Variants in HERC1 observed in about 807,000 individuals in gnomAD.
The protein encoded by HERC1 is HECT and RLD domain containing E3 ubiquitin protein ligase family member 1.
A neutral mutation model predicts 554.3 loss-of-function variants in HERC1; 160 were observed. The observed-to-expected ratio is 0.29, with a 90% CI of 0.25 to 0.33. HERC1 has a LOEUF of 0.33. Among genes scored for constraint, HERC1 ranks in the 10% least tolerant of loss-of-function variants. The probability of loss-of-function intolerance (pLI) is 1.00; values close to 1 mark genes in which losing one functional copy is unlikely to be tolerated. For synonymous variants in HERC1, 2,175 were observed against 2,131.7 expected (o/e 1.02, Z -0.56); for missense variants, 4,919 against 5,918.5 (o/e 0.83, Z 5.54).
chr15:63,664,524 C>A lies in HERC1; in HGVS notation c.8626G>T (p.Val2876Leu), dbSNP rs773703056. Residue 2876 changes from valine (V) to leucine (L), a missense_variant, in exon 43 of 78, where the codon GTA becomes TTA. Transcript: ENST00000443617. ...AAGTCAAACTTGTGTCTTCTTGTTACCGCTGAGCGACCTCTAGCTGATGGT... is the reference window on the plus strand; with the variant it reads ...AAGTCAAACTTGTGTCTTCTTGTTAACGCTGAGCGACCTCTAGCTGATGGT... The part of the protein sequence containing the change: ...SGPSARGRSA[V>L]TRRHKFDLAA... The A allele has an allele frequency of 6.2e-7, 1 of 1,613,588 alleles. No individual in the cohort carries two copies. Among genetic ancestry groups the A allele is most frequent in the East Asian group, 2.2e-5 (1 of 44,886 alleles).
At chr15:63,624,558 G>A (rs1425830846) in intron 71 of HERC1, among the ~76,000 whole-genome samples, 6 of 152,100 alleles carry the variant, frequency 3.9e-5, no homozygotes, top group Non-Finnish European at 7.3e-5. Flanking sequence ...AGCTGGGCAT[G>A]GTGGCATGTG....
chr15:63,744,164 G>GTGTGTGTGTGTGTCTC, intron 12 of HERC1, among the ~76,000 whole-genome samples: 119 of 46,242 alleles, frequency 2.6e-3, no homozygotes, highest in East Asian at 5.9e-3. Flanking sequence ...GTGTGTGTGT[G>GTGTGTGTGTGTGTCTC]TCTCTCTCTC....
At chr15:63,715,667 T>G (rs543888338) in intron 22 of HERC1, among the ~76,000 whole-genome samples, 1 of 152,322 alleles carries the variant, frequency 6.6e-6, no homozygotes, top group East Asian at 1.9e-4. Context: ...ATGCACACTT[T>G]AACTGGAAAT....
intron 1 of HERC1, among the ~76,000 whole-genome samples, chr15:63,776,681 G>C (rs1467433539): frequency 1.3e-5 from 2 of 152,140 alleles, no homozygotes; most frequent in African/African-American, 2.4e-5. Flanking sequence ...TTAAAACCTA[G>C]TGGGCTGGGC....
intron 31 of HERC1, among the ~76,000 whole-genome samples, chr15:63,691,291 C>A (rs918992612): frequency 6.6e-6 from 1 of 151,584 alleles, no homozygotes; most frequent in Non-Finnish European, 1.5e-5. Context: ...CATGGTGAAA[C>A]CCTGCCTTTA....
At chr15:63,747,220 G>A in intron 11 of HERC1, 137 bp from the exon 12 acceptor site, 1 of 693,550 alleles carries the variant, frequency 1.4e-6, no homozygotes, top group South Asian at 1.9e-5. Context: ...AGCACTTTGG[G>A]AGGCGGAGGT....
At chr15:63,717,673 C>A (rs1215711425) in intron 21 of HERC1, among the ~76,000 whole-genome samples, 2 of 152,142 alleles carry the variant, frequency 1.3e-5, no homozygotes, top group African/African-American at 4.8e-5. Context: ...GAGTTCAAAA[C>A]CAGCCTGGTC....
In HERC1 at chr15:63,804,440, G is replaced by A. The variant is rs551488813; in HGVS notation, c.-26-28791C>T. 9.8e-4 allele frequency among the ~76,000 whole-genome samples: 149 copies of A among 152,156 alleles called. 6 individuals are homozygous for A. The highest frequency in any genetic ancestry group is 1.0e-3 in the South Asian group (5 of 4,816). On this transcript the variant is annotated intron_variant, in intron 1 of 77. Transcript: ENST00000443617. ...TCTCTACTAAAAATACAAAAAATTAGCCGGGCATGGTGGCGGGCGCCTGTC... is the reference window on the plus strand; with the variant it reads ...TCTCTACTAAAAATACAAAAAATTAACCGGGCATGGTGGCGGGCGCCTGTC...
Position 63,643,418 on chromosome 15 carries a change from T to C in HERC1, c.11317A>G (p.Ile3773Val), listed in dbSNP as rs981144325. 1 of 1,613,054 alleles carries C rather than the reference T, an allele frequency of 6.2e-7. No individual in the cohort carries two copies. The highest frequency in any genetic ancestry group is 1.3e-5 in the African/African-American group (1 of 75,010). ...VSGGLGGLMNIWSLRDGSVLQ... is the reference protein window; with the variant it reads ...VSGGLGGLMNVWSLRDGSVLQ... ...TATGCTCTTACCCTTAAAGACCAAA[T>C]GTTCATGAGCCCACCTAGTCCACCA... The change falls in exon 58 of 78, where the codon ATT becomes GTT. Residue 3773 changes from isoleucine (I) to valine (V), a missense_variant. Ile to Val is a conservative substitution (Grantham distance 29). Around this residue, in one of 11 missense-constraint regions of HERC1, gnomAD observed 1,963 missense variants for 2,228.6 expected, o/e 0.88. Coordinates refer to ENST00000443617, the MANE Select transcript of HERC1 (RefSeq NM_003922.4).
chr15:63,731,566 C>T (rs375667433), intron 14 of HERC1, among the ~76,000 whole-genome samples: 10 of 152,294 alleles, frequency 6.6e-5, no homozygotes, highest in African/African-American at 2.4e-4. Context: ...TACTCCTTAA[C>T]ATCAGATTAA....
chr15:63,709,790 C>T (rs140104439), intron 24 of HERC1, among the ~76,000 whole-genome samples: 1 of 152,274 alleles, frequency 6.6e-6, no homozygotes, highest in East Asian at 1.9e-4. Flanking sequence ...TCCTAGATTT[C>T]TAGTGGGTTT....
chr15:63,746,658 G>C (rs1567081216), intron 12 of HERC1, among the ~76,000 whole-genome samples: 2 of 152,100 alleles, frequency 1.3e-5, no homozygotes, highest in Non-Finnish European at 2.9e-5. Flanking sequence ...TAAGCAACTA[G>C]AATACAATGT....
At chr15:63,755,794 GAA>G (rs1567091980) in intron 5 of HERC1, among the ~76,000 whole-genome samples, 1 of 151,948 alleles carries the variant, frequency 6.6e-6, no homozygotes, top group East Asian at 1.9e-4. Flanking sequence ...AAGAAAGAAA[GAA>G]AAGAGAGGAA....
chr15:63,698,917 G>A lies in HERC1; in HGVS notation c.4716C>T (p.Ser1572=), dbSNP rs755327930. 4 of 1,613,826 alleles carry A rather than the reference G, an allele frequency of 2.5e-6. No individual in the cohort carries two copies. The highest frequency in any genetic ancestry group is 3.4e-6 in the Non-Finnish European group (4 of 1,179,708). ...LKHSRDWLCN[S]SYSFESDFDL... is the part of the protein sequence containing the mutation. The stretch of plus-strand genomic sequence containing the variant: ...CAAAATCTGACTCAAAGGAATAGGA[G>A]GAGTTGCATAACCAGTCTCTGCTAT... Residue 1572 remains serine, a synonymous_variant, in exon 26 of 78, where the codon TCC becomes TCT. Transcript: ENST00000443617.
intron 68 of HERC1, 75 bp from the exon 69 acceptor site, chr15:63,630,710 G>A (rs2068511516): frequency 7.0e-7 from 1 of 1,435,902 alleles, no homozygotes; most frequent in African/African-American, 1.4e-5. Flanking sequence ...TTTCTGATCA[G>A]TCATTTAGCT....
intron 3 of HERC1, 50 bp downstream of exon 3, chr15:63,764,046 T>C (rs779490587): frequency 2.0e-6 from 2 of 1,019,668 alleles, no homozygotes; most frequent in South Asian, 1.3e-5. Context: ...ATACATGCCA[T>C]AGCATTTTAA....
chr15:63,693,842 T>C (rs2072259428), intron 30 of HERC1, 122 bp downstream of exon 30: 3 of 1,024,268 alleles, frequency 2.9e-6, no homozygotes, highest in Non-Finnish European at 4.2e-6. Flanking sequence ...GGTTTGTAAA[T>C]AAACAAATAA....
At chr15:63,802,751 T>C (rs2077032229) in intron 1 of HERC1, among the ~76,000 whole-genome samples, 2 of 152,206 alleles carry the variant, frequency 1.3e-5, no homozygotes, top group Non-Finnish European at 2.9e-5. Flanking sequence ...AAAACTGAAA[T>C]AAACGAGTTA....
At chr15:63,741,783 G>A (rs980881547) in intron 12 of HERC1, among the ~76,000 whole-genome samples, 19 of 152,292 alleles carry the variant, frequency 1.2e-4, no homozygotes, top group African/African-American at 4.6e-4. Context: ...TAGAAAATCA[G>A]TAAGCCACAG....
Sources: gnomAD v4.1 joint callset for allele counts (sites outside exome capture counted in the v4.1 genomes callset) on GRCh38, gnomAD v4.1.1 for gene constraint, gnomAD v4.1.1 regional missense constraint, MANE v1.5 for transcripts, NCBI Gene and HGNC (gene_info 2026-07-23, HGNC 2026-07-21) for gene names.